Variants in CWF19L1 observed in about 807,000 individuals in gnomAD.
The protein encoded by CWF19L1 is CWF19 like cell cycle control factor 1, also known as CWF19-like protein 1.
In CWF19L1, 60 loss-of-function variants were observed where a neutral mutation model predicts 69.7. The ratio of observed to expected loss-of-function variants is 0.86; its 90% CI spans 0.70 to 1.07. The LOEUF (loss-of-function observed/expected upper bound fraction) is 1.07. Among genes scored for constraint, CWF19L1 ranks in the 50% least tolerant of loss-of-function variants. The probability of loss-of-function intolerance (pLI) is 0.00; values close to 1 mark genes in which losing one functional copy is unlikely to be tolerated. For synonymous variants in CWF19L1, 209 were observed against 222.2 expected, an observed-to-expected ratio of 0.94 and a Z score of 0.53; for missense variants, 591 against 638.9, an observed-to-expected ratio of 0.92 and a Z score of 0.81.
intron 8 of CWF19L1, 32 bp downstream of exon 8, chr10:100,246,763 T>A (rs774486180): frequency 1.0e-5 from 16 of 1,580,010 alleles, no homozygotes; most frequent in Middle Eastern, 1.7e-4. Flanking sequence ...AAAGAACACA[T>A]ATAAAAATGC....
Position 100,246,801 on chromosome 10 carries a change from G to T in CWF19L1, c.843C>A (p.Ala281=). The change falls in exon 8 of 14, where the codon GCC becomes GCA. Residue 281 remains alanine, a synonymous_variant. Coordinates refer to ENST00000354105, the MANE Select transcript of CWF19L1 (RefSeq NM_018294.6). ...QEASIGKQIL[A]PVEESACQFF... The stretch of plus-strand genomic sequence containing the variant: ...ACCCTCAATCAGAACATACCACAGG[G>T]GCAAGAATTTGCTTTCCTATGGATG... 6.2e-7 allele frequency: 1 copy of T among 1,612,944 alleles called. No individual in the cohort carries two copies. Among genetic ancestry groups the T allele is most frequent in the Non-Finnish European group, 8.5e-7 (1 of 1,179,258 alleles).
intron 4 of CWF19L1, among the ~76,000 whole-genome samples, chr10:100,257,265 T>G: frequency 6.6e-6 from 1 of 150,958 alleles, no homozygotes; most frequent in East Asian, 1.9e-4. Flanking sequence ...TTCTGAAGAG[T>G]CATCCATGCT....
rs7922946 is a variant in CWF19L1 at position 100,233,267 on chromosome 10, C to T, written c.1577G>A (p.Arg526Gln). 1.2e-3 allele frequency: 2,000 copies of T among 1,613,720 alleles called. 24 individuals carry two copies. In the African/African-American group the frequency reaches 0.024, roughly 19 times the overall value. ...AAAGTCATAGGGCTCAAAGTCTTTCCGGAAGCGGCGAGCCAGGGTCTCCTC... is the reference window on the plus strand; with the variant it reads ...AAAGTCATAGGGCTCAAAGTCTTTCTGGAAGCGGCGAGCCAGGGTCTCCTC... ...EDEETLARRF[R>Q]KDFEPYDFTL... Residue 526 changes from arginine (R) to glutamine (Q), a missense_variant, in exon 14 of 14, where the codon CGG (arginine) becomes CAG (glutamine). Coordinates refer to ENST00000354105, the MANE Select transcript of CWF19L1 (RefSeq NM_018294.6).
chr10:100,236,870 C>G lies in CWF19L1; in HGVS notation c.1354G>C (p.Glu452Gln). Reference protein sequence around the residue: ...EQQIELLEIPEHSDIKQIAQP... With the variant: ...EQQIELLEIPQHSDIKQIAQP... The stretch of plus-strand genomic sequence containing the variant: ...TTCACCTGCTTGATGTCAGAGTGCT[C>G]TGGGATTTCCAACAGCTCTATCTGC... The change falls in exon 12 of 14, where the codon GAG becomes CAG. Residue 452 changes from glutamate (E) to glutamine (Q), a missense_variant. Coordinates refer to ENST00000354105, the MANE Select transcript of CWF19L1 (RefSeq NM_018294.6). The G allele has an allele frequency of 6.2e-7, 1 of 1,607,034 alleles. No individual in the cohort carries two copies. The highest frequency in any genetic ancestry group is 8.5e-7 in the Non-Finnish European group (1 of 1,177,480).
chr10:100,259,154 T>C lies in CWF19L1; in HGVS notation c.289+1064A>G, dbSNP rs1299048023. On this transcript the variant is annotated intron_variant, in intron 4 of 13. Transcript: ENST00000354105. ...AGTCGGATGTTGCAGTAAGCCGAGATCATGCCACTGCACTCCAGCCTGAGC... is the reference window on the plus strand; with the variant it reads ...AGTCGGATGTTGCAGTAAGCCGAGACCATGCCACTGCACTCCAGCCTGAGC... 2.0e-5 allele frequency among the ~76,000 whole-genome samples: 3 copies of C among 146,782 alleles called. No homozygotes were observed. The East Asian group carries it at 6.0e-4, about 29-fold the overall frequency.
intron 11 of CWF19L1, 126 bp downstream of exon 11, chr10:100,237,896 G>A (rs1846499384): frequency 3.6e-6 from 3 of 823,118 alleles, no homozygotes; most frequent in Non-Finnish European, 3.9e-6. Context: ...CAATCCAACC[G>A]CTTCGGCCTC....
Position 100,267,245 on chromosome 10 carries a change from C to T in CWF19L1, c.23+326G>A, listed in dbSNP as rs1246392362. On this transcript the variant is annotated intron_variant, in intron 1 of 13. Transcript: ENST00000354105. ...ATCAGTGGGCCCAATGGCTATTTGG[C>T]GAGTAAATAAATGGGGTCAGGAGAA... is the stretch of plus-strand genomic sequence containing the variant. Among the ~76,000 whole-genome samples, 4 of 149,402 alleles carry T rather than the reference C, an allele frequency of 2.7e-5. No individual in the cohort carries two copies. In the East Asian group the frequency reaches 8.0e-4, roughly 30 times the overall value.
chr10:100,265,001 G>A (rs746003709), intron 1 of CWF19L1, among the ~76,000 whole-genome samples: 51 of 151,654 alleles, frequency 3.4e-4, no homozygotes, highest in Non-Finnish European at 1.5e-4. Context: ...TCCGCCTGTA[G>A]TCCCAGCTAC....
At chr10:100,253,668 A>G (rs746882299) in intron 5 of CWF19L1, 129 bp from the exon 6 acceptor site, 74 of 584,268 alleles carry the variant, frequency 1.3e-4, no homozygotes, top group Non-Finnish European at 2.0e-4. Context: ...GGAACTGCAC[A>G]TTGAATTTCA....
At position 100,235,749 on chromosome 10, in the gene CWF19L1, C is replaced by A; in HGVS notation, c.1390G>T (p.Ala464Ser). 1 of 1,610,642 alleles carries A rather than the reference C, an allele frequency of 6.2e-7. No individual in the cohort carries two copies. The highest frequency in any genetic ancestry group is 1.7e-5 in the Admixed American group (1 of 59,988). Reference sequence around the variant, plus strand: ...TCAAGTTCAACATAAAAATATGCTGCTCCTGGCTGTGCAATCTAAAGTAAA... The same window carrying A: ...TCAAGTTCAACATAAAAATATGCTGATCCTGGCTGTGCAATCTAAAGTAAA... ...SDIKQIAQPG[A>S]AYFYVELDTG... Residue 464 changes from alanine (A) to serine (S), a missense_variant, in exon 13 of 14, where the codon GCA becomes TCA. Transcript: ENST00000354105.
chr10:100,262,294 C>A (rs1847430791), intron 1 of CWF19L1: 1 of 985,430 alleles, frequency 1.0e-6, no homozygotes, highest in East Asian at 1.1e-4. Context: ...ATTGAGCCAG[C>A]TTCTTCTCCT....
At chr10:100,249,336 C>T (rs1355535219) in intron 7 of CWF19L1, among the ~76,000 whole-genome samples, 1 of 152,144 alleles carries the variant, frequency 6.6e-6, no homozygotes, top group East Asian at 1.9e-4. Context: ...AATCTTCAGA[C>T]TCTTTATCTG....
At chr10:100,236,101 CTTTTTTTTTTTT>C in intron 12 of CWF19L1, among the ~76,000 whole-genome samples, 2 of 131,362 alleles carry the variant, frequency 1.5e-5, no homozygotes, top group Middle Eastern at 3.8e-3. Flanking sequence ...TCCACTGCCT[CTTTTTTTTTTTT>C]TTTTTTTTAG....
chr10:100,244,853 C>T (rs538716489), intron 9 of CWF19L1, among the ~76,000 whole-genome samples: 8 of 151,808 alleles, frequency 5.3e-5, no homozygotes, highest in African/African-American at 1.9e-4. Context: ...CAGGGTTTCA[C>T]CATGTTGGCC....
intron 5 of CWF19L1, chr10:100,253,880 GTT>G (rs10689337): frequency 1.4e-4 from 23 of 160,282 alleles, no homozygotes; most frequent in South Asian, 5.1e-4. Context: ...GTTTTGGTTT[GTT>G]TTTTTTTTTT....
Position 100,256,261 on chromosome 10 carries a change from C to T in CWF19L1, c.504+1G>A. On this transcript the variant is annotated splice_donor_variant, in intron 5 of 13. Coordinates refer to ENST00000354105, the MANE Select transcript of CWF19L1 (RefSeq NM_018294.6). LOFTEE classifies it high-confidence loss of function. ...ATTCCAACTAAACAAACACTACTCA[C>T]AGAAGAATTCCCAAAGTTCCCCACA... 12 of 1,612,754 alleles carry T rather than the reference C, an allele frequency of 7.4e-6. No homozygotes were observed. The highest frequency in any genetic ancestry group is 1.0e-5 in the Non-Finnish European group (12 of 1,178,858).
chr10:100,243,048 AAC>A (rs1846686685), intron 10 of CWF19L1, among the ~76,000 whole-genome samples: 1 of 152,236 alleles, frequency 6.6e-6, no homozygotes. Context: ...CATTTTGGAA[AAC>A]AGTTTAGCAG....
intron 8 of CWF19L1, 32 bp from the exon 9 acceptor site, chr10:100,245,945 TA>T: frequency 1.3e-6 from 2 of 1,498,312 alleles, no homozygotes; most frequent in Non-Finnish European, 1.9e-6. Context: ...GATTAAATGT[TA>T]TTCAACTAAC....
At chr10:100,266,606 T>TC (rs1482573359) in intron 1 of CWF19L1, among the ~76,000 whole-genome samples, 3 of 148,658 alleles carry the variant, frequency 2.0e-5, no homozygotes, top group African/African-American at 2.5e-5. Flanking sequence ...AACCTCCGCC[T>TC]CCGGGTTCAA....
Sources: gnomAD v4.1 joint callset for allele counts (sites outside exome capture counted in the v4.1 genomes callset) on GRCh38, gnomAD v4.1.1 for gene constraint, MANE v1.5 for transcripts, NCBI Gene and HGNC (gene_info 2026-07-23, HGNC 2026-07-21) for gene names.